STK36: variants seen among roughly 807,000 people sequenced by gnomAD.
STK36 encodes serine/threonine-protein kinase 36.
Under a neutral mutation model 142.2 loss-of-function variants are expected in STK36, and 116 were observed. That is an observed-to-expected ratio of 0.82 (90% CI 0.70 to 0.95). STK36 has a LOEUF of 0.95. Among genes scored for constraint, STK36 ranks in the 40% least tolerant of loss-of-function variants. The probability of loss-of-function intolerance (pLI) is 0.00; values close to 1 mark genes in which losing one functional copy is unlikely to be tolerated. For synonymous variants in STK36, 619 were observed against 641.7 expected, an observed-to-expected ratio of 0.96 and a Z score of 0.53; for missense variants, 1,422 against 1,617.2, an observed-to-expected ratio of 0.88 and a Z score of 2.07.
chr2:218,687,871 A>G (rs1940838355), intron 11 of STK36, among the ~76,000 whole-genome samples: 1 of 152,210 alleles, frequency 6.6e-6, no homozygotes, highest in Admixed American at 6.5e-5. Flanking sequence ...TAAAAATACA[A>G]TACTGGCCAG....
Position 218,672,897 on chromosome 2 carries a change from G to C in STK36, c.68G>C (p.Arg23Thr). 6.2e-7 allele frequency: 1 copy of C among 1,614,098 alleles called. No homozygotes were observed. Among genetic ancestry groups the C allele is most frequent in the Non-Finnish European group, 8.5e-7 (1 of 1,179,978 alleles). Residue 23 changes from arginine to threonine, a missense_variant, in exon 2 of 27, where the codon AGA becomes ACA. By Grantham distance (71) the Arg-to-Thr change is moderately conservative. Coordinates refer to ENST00000295709, the MANE Select transcript of STK36 (RefSeq NM_015690.5). Reference protein sequence around the residue: ...GSFGRVYKGRRKYSAQVVALK... With the variant: ...GSFGRVYKGRTKYSAQVVALK... Reference sequence around the variant, plus strand: ...TTTGGGAGGGTGTACAAGGGTCGAAGAAAATACAGTGCTCAGGTGTTGCAC... The same window carrying C: ...TTTGGGAGGGTGTACAAGGGTCGAACAAAATACAGTGCTCAGGTGTTGCAC...
intron 18 of STK36, 31 bp from the exon 19 acceptor site, chr2:218,693,864 G>T: frequency 6.2e-7 from 1 of 1,614,210 alleles, no homozygotes; most frequent in Non-Finnish European, 8.5e-7. Context: ...TCAGCCAGAG[G>T]TTGTTCTGAT....
intron 6 of STK36, among the ~76,000 whole-genome samples, chr2:218,678,116 T>A (rs1480714953): frequency 6.6e-6 from 1 of 151,936 alleles, no homozygotes; most frequent in African/African-American, 2.4e-5. Context: ...ATTAATTAAA[T>A]TTTTTTTAAA....
intron 17 of STK36, 82 bp downstream of exon 17, chr2:218,693,426 G>C: frequency 7.4e-7 from 1 of 1,344,934 alleles, no homozygotes; most frequent in Non-Finnish European, 1.0e-6. Flanking sequence ...GACCAAGAGA[G>C]GAGGACTAAA....
At chr2:218,696,998 C>A (rs778481299) in intron 22 of STK36, 41 bp from the exon 23 acceptor site, 13 of 1,610,538 alleles carry the variant, frequency 8.1e-6, no homozygotes, top group Non-Finnish European at 1.1e-5. Flanking sequence ...GGATTCCTGA[C>A]TTCTGTCTTT....
intron 11 of STK36, among the ~76,000 whole-genome samples, chr2:218,686,557 CT>C (rs2106355183): frequency 6.6e-6 from 1 of 152,342 alleles, no homozygotes; most frequent in African/African-American, 2.4e-5. Flanking sequence ...GTATGAGCTA[CT>C]GCCCCCAGCC....
intron 11 of STK36, among the ~76,000 whole-genome samples, chr2:218,688,229 A>G (rs1940852479): frequency 6.6e-6 from 1 of 152,254 alleles, no homozygotes; most frequent in African/African-American, 2.4e-5. Flanking sequence ...CTGTATACAA[A>G]TAAATGTTAG....
chr2:218,694,104 G>T lies in STK36; in HGVS notation c.2336+121G>T. ...TAGGAGGAATTGGGATAGAGAGCGT[G>T]AAGCTTTCTCTACAAAGAACAGACC... On this transcript the variant is annotated intron_variant, in intron 19 of 26. Transcript: ENST00000295709. This position sits in a 1 kb window ranked among gnomAD's most constrained non-coding sequence, Gnocchi z 4.4. 8.2e-7 allele frequency: 1 copy of T among 1,225,548 alleles called. No individual in the cohort carries two copies. The highest frequency in any genetic ancestry group is 1.2e-6 in the Non-Finnish European group (1 of 836,808). 75.9% of individuals were successfully genotyped at this position (1,225,548 alleles called of 1,614,324 possible). A position where few individuals can be genotyped will look rare whatever the true frequency, so the allele number is the denominator to read the frequency against.
intron 10 of STK36, among the ~76,000 whole-genome samples, chr2:218,681,197 G>A (rs1940506252): frequency 6.9e-6 from 1 of 144,816 alleles, no homozygotes; most frequent in Non-Finnish European, 1.5e-5. Flanking sequence ...GTGCAATCTT[G>A]GCTCACTGCA....
chr2:218,673,756 T>C lies in STK36; in HGVS notation c.216T>C (p.Thr72=). The change falls in exon 3 of 27, where the codon ACT becomes ACC. Residue 72 remains threonine, a synonymous_variant. Coordinates refer to ENST00000295709, the MANE Select transcript of STK36 (RefSeq NM_015690.5). ...NIVHMLDSFE[T]DKEVVVVTDY... is the part of the protein sequence containing the mutation. ...TGCATATGCTTGACAGCTTTGAAAC[T>C]GATAAAGAGGTGTGCTTTGACAGTT... The C allele has an allele frequency of 6.2e-7, 1 of 1,613,846 alleles. No individual in the cohort carries two copies. The highest frequency in any genetic ancestry group is 1.1e-5 in the South Asian group (1 of 91,016).
At chr2:218,682,475 A>G (rs983596128) in intron 10 of STK36, among the ~76,000 whole-genome samples, 5 of 152,250 alleles carry the variant, frequency 3.3e-5, no homozygotes, top group African/African-American at 1.2e-4. Context: ...CTGTTATAAT[A>G]GATTAATTAA....
In STK36 at chr2:218,694,495, A is replaced by G. The variant is rs772844517; in HGVS notation, c.2401-30A>G. The G allele has an allele frequency of 4.4e-6, 7 of 1,605,324 alleles. No individual in the cohort carries two copies. The highest frequency in any genetic ancestry group is 1.3e-5 in the African/African-American group (1 of 74,888). ...TCCTGAATGCCATTTAGATTTGGAC[A>G]TTCTTTCTCCTCTTTTACCTCTCCC... is the stretch of plus-strand genomic sequence containing the variant. On this transcript the variant is annotated intron_variant, in intron 20 of 26. Coordinates refer to ENST00000295709, the MANE Select transcript of STK36 (RefSeq NM_015690.5). This position sits in a 1 kb window ranked among gnomAD's most constrained non-coding sequence, Gnocchi z 4.4.
At position 218,689,895 on chromosome 2, in the gene STK36, G is replaced by A. The variant is rs1327428704; in HGVS notation, c.1597G>A (p.Ala533Thr). ...WYGTFLQDLM[A>T]VIQAYFACTF... is the part of the protein sequence containing the mutation. ...TGGGACCTTCTTACAGGACCTGATG[G>A]CTGTGATTCAGGCCTACTTTGCCTG... is the stretch of plus-strand genomic sequence containing the variant. The change falls in exon 13 of 27, where the codon GCT (alanine) becomes ACT (threonine). Residue 533 changes from alanine (A) to threonine (T), a missense_variant. Ala to Thr is a moderately conservative substitution (Grantham distance 58). Transcript: ENST00000295709. 10 of 1,609,400 alleles carry A rather than the reference G, an allele frequency of 6.2e-6. No individual in the cohort carries two copies. Among genetic ancestry groups the A allele is most frequent in the Admixed American group, 3.4e-5 (2 of 59,462 alleles).
Position 218,672,726 on chromosome 2 carries a change from C to T in STK36, c.-89-15C>T, listed in dbSNP as rs963561051. 2.7e-6 allele frequency: 3 copies of T among 1,131,806 alleles called. No homozygotes were observed. In the African/African-American group the frequency reaches 4.7e-5, roughly 18 times the overall value. 70.1% of individuals were successfully genotyped at this position (1,131,806 alleles called of 1,614,324 possible). ...CAAGGTGGCTAACATTTTTCCTTTC[C>T]CGTGCCCCAACTAGGCGTCCCAGAT... On this transcript the variant is annotated splice_polypyrimidine_tract_variant and intron_variant, in intron 1 of 26. Coordinates refer to ENST00000295709, the MANE Select transcript of STK36 (RefSeq NM_015690.5).
chr2:218,680,796 A>T, intron 10 of STK36, 94 bp downstream of exon 10: 1 of 986,510 alleles, frequency 1.0e-6, no homozygotes, highest in Non-Finnish European at 1.5e-6. Context: ...CAACTCCCTA[A>T]GTATGAGCTC....
At chr2:218,699,821 C>G (rs1052097365) in intron 26 of STK36, among the ~76,000 whole-genome samples, 1 of 152,156 alleles carries the variant, frequency 6.6e-6, no homozygotes, top group African/African-American at 2.4e-5. Context: ...GTCCAAATTA[C>G]AAGGACAGTA....
intron 16 of STK36, 79 bp from the exon 17 acceptor site, chr2:218,693,161 C>A (rs1047623733): frequency 8.2e-7 from 1 of 1,221,974 alleles, no homozygotes. Context: ...GACTGAGAGT[C>A]CTGATCATTT....
intron 8 of STK36, 59 bp from the exon 9 acceptor site, chr2:218,679,834 C>G: frequency 6.2e-7 from 1 of 1,603,586 alleles, no homozygotes. Context: ...GAATAGCATT[C>G]ATATTGTCCT....
chr2:218,701,517 G>T (rs1018915854), intron 26 of STK36, among the ~76,000 whole-genome samples: 4 of 152,100 alleles, frequency 2.6e-5, no homozygotes, highest in Admixed American at 6.5e-5. Flanking sequence ...AATGAGGTTA[G>T]AACTCACTGG....
Sources: gnomAD v4.1 joint callset for allele counts (sites outside exome capture counted in the v4.1 genomes callset) on GRCh38, gnomAD v4.1.1 for gene constraint, Gnocchi (gnomAD v3.1) non-coding constraint, MANE v1.5 for transcripts, NCBI Gene and HGNC (gene_info 2026-07-23, HGNC 2026-07-21) for gene names.